RHAG: variants seen among roughly 807,000 people sequenced by gnomAD.
RHAG encodes the protein ammonium transporter Rh type A.
A neutral mutation model predicts 42.4 loss-of-function variants in RHAG; 25 were observed. The ratio of observed to expected loss-of-function variants is 0.59; its 90% CI spans 0.43 to 0.82. The LOEUF (loss-of-function observed/expected upper bound fraction) is 0.82. Among genes scored for constraint, RHAG ranks in the 40% least tolerant of loss-of-function variants. The probability of loss-of-function intolerance (pLI) is 0.00; values close to 1 mark genes in which losing one functional copy is unlikely to be tolerated. For missense variants in RHAG, 483 were observed against 504.6 expected, an observed-to-expected ratio of 0.96 and a Z score of 0.41; for synonymous variants, 182 against 177.7, an observed-to-expected ratio of 1.02 and a Z score of -0.19.
chr6:49,615,859 G>T, intron 3 of RHAG, 88 bp from the exon 4 acceptor site: 2 of 1,342,786 alleles, frequency 1.5e-6, no homozygotes, highest in Non-Finnish European at 1.1e-6. Context: ...TGCATTGTTG[G>T]TTAAACAACT....
chr6:49,625,236 T>A (rs1462726675), intron 1 of RHAG, among the ~76,000 whole-genome samples: 1 of 152,234 alleles, frequency 6.6e-6, no homozygotes, highest in Non-Finnish European at 1.5e-5. Context: ...CCTAAATTCC[T>A]ACCTGATAAA....
At position 49,635,679 on chromosome 6, in the gene RHAG, T is replaced by TTC. The variant is rs1763000041; in HGVS notation, c.157+975_157+976dup. 4.6e-5 allele frequency among the ~76,000 whole-genome samples: 7 copies of TTC among 152,262 alleles called. 1 individual carries two copies. The South Asian group carries it at 1.4e-3, about 32-fold the overall frequency. ...GTCCTTAGCTTTCAATTTTATATTT[T>TTC]TCCTATGTCACTTAGCAACTCTAGG... On this transcript the variant is annotated intron_variant, in intron 1 of 9. Coordinates refer to ENST00000371175, the MANE Select transcript of RHAG (RefSeq NM_000324.3).
At chr6:49,608,288 T>G (rs916588492) in intron 7 of RHAG, among the ~76,000 whole-genome samples, 8 of 152,212 alleles carry the variant, frequency 5.3e-5, no homozygotes, top group Middle Eastern at 3.2e-3. Context: ...AAAAATGCTG[T>G]GAGAACATCT....
At chr6:49,610,936 A>G (rs775470040) in intron 7 of RHAG, 88 bp downstream of exon 7, 13 of 1,530,528 alleles carry the variant, frequency 8.5e-6, no homozygotes, top group Non-Finnish European at 1.1e-5. Flanking sequence ...CATGGCCAGA[A>G]CAGCTAAAAT....
At chr6:49,609,075 T>C (rs1349716951) in intron 7 of RHAG, among the ~76,000 whole-genome samples, 1 of 152,204 alleles carries the variant, frequency 6.6e-6, no homozygotes, top group Non-Finnish European at 1.5e-5. Flanking sequence ...ATATTAACTT[T>C]CCCTTGTTCT....
chr6:49,615,413 G>T, intron 4 of RHAG: 2 of 450,864 alleles, frequency 4.4e-6, no homozygotes, highest in South Asian at 3.6e-5. Context: ...TTATTTTTTA[G>T]AGATGGAGTC....
intron 1 of RHAG, among the ~76,000 whole-genome samples, chr6:49,622,848 TG>T: frequency 6.6e-6 from 1 of 150,782 alleles, no homozygotes; most frequent in African/African-American, 2.4e-5. Flanking sequence ...TTTTTTGTTT[TG>T]TTTTGAGACG....
At chr6:49,611,002 A>T in intron 7 of RHAG, 22 bp downstream of exon 7, 1 of 1,613,512 alleles carries the variant, frequency 6.2e-7, no homozygotes, top group Admixed American at 1.7e-5. Flanking sequence ...ACAGGGGCTG[A>T]AAAACCCATT....
At position 49,618,118 on chromosome 6, in the gene RHAG, C is replaced by T. The variant is rs1762684616; in HGVS notation, c.442G>A (p.Glu148Lys). 1 of 1,613,828 alleles carries T rather than the reference C, an allele frequency of 6.2e-7. No individual in the cohort carries two copies. The highest frequency in any genetic ancestry group is 8.5e-7 in the Non-Finnish European group (1 of 1,179,754). Residue 148 changes from glutamate (E) to lysine (K), a missense_variant, in exon 3 of 10, where the codon GAA becomes AAA. By Grantham distance (56) the Glu-to-Lys change is moderately conservative. Coordinates refer to ENST00000371175, the MANE Select transcript of RHAG (RefSeq NM_000324.3). ...PTQMLIMTIL[E>K]IVFFAHNEYL... Reference sequence around the variant, plus strand: ...TCATTGTGGGCAAAGAAAACAATTTCTAAAATTGTCATGATCAGCATTTGG... The same window carrying T: ...TCATTGTGGGCAAAGAAAACAATTTTTAAAATTGTCATGATCAGCATTTGG...
rs1448022379 is a variant in RHAG, at chr6:49,627,349, T to C, written c.158-7987A>G. Among the ~76,000 whole-genome samples the C allele has an allele frequency of 3.3e-5, 5 of 152,304 alleles. No individual in the cohort carries two copies. In the South Asian group the frequency reaches 1.0e-3, roughly 32 times the overall value. Reference sequence around the variant, plus strand: ...CAGATCTTCAGGGGAGGGGCAAAACTATGCCAGCCTCTTTGTATAGCAAGA... The same window carrying C: ...CAGATCTTCAGGGGAGGGGCAAAACCATGCCAGCCTCTTTGTATAGCAAGA... On this transcript the variant is annotated intron_variant, in intron 1 of 9. Coordinates refer to ENST00000371175, the MANE Select transcript of RHAG (RefSeq NM_000324.3).
intron 1 of RHAG, among the ~76,000 whole-genome samples, chr6:49,620,146 C>T (rs915845666): frequency 1.1e-4 from 16 of 152,112 alleles, no homozygotes; most frequent in Admixed American, 3.3e-4. Context: ...GATATGGGCT[C>T]AGGTACCTGA....
intron 5 of RHAG, among the ~76,000 whole-genome samples, chr6:49,613,212 G>A (rs1472455903): frequency 6.6e-6 from 1 of 151,920 alleles, no homozygotes; most frequent in Admixed American, 6.6e-5. Context: ...TGGGATTACA[G>A]GTGCACGCCA....
At chr6:49,625,804 A>T (rs1259892126) in intron 1 of RHAG, among the ~76,000 whole-genome samples, 1 of 152,184 alleles carries the variant, frequency 6.6e-6, no homozygotes, top group Admixed American at 6.5e-5. Flanking sequence ...TAGAGGAAAA[A>T]GGTTTAATTG....
chr6:49,613,543 T>C (rs1479160578), intron 5 of RHAG, among the ~76,000 whole-genome samples: 1 of 152,128 alleles, frequency 6.6e-6, no homozygotes, highest in East Asian at 1.9e-4. Context: ...ATAAGATATA[T>C]GTCCTCAGCA....
At chr6:49,625,712 G>T (rs1050173566) in intron 1 of RHAG, among the ~76,000 whole-genome samples, 1 of 152,050 alleles carries the variant, frequency 6.6e-6, no homozygotes, top group African/African-American at 2.4e-5. Context: ...TTTATATCTT[G>T]CAATAGGATA....
At chr6:49,613,551 G>A (rs1281562011) in intron 5 of RHAG, among the ~76,000 whole-genome samples, 5 of 152,064 alleles carry the variant, frequency 3.3e-5, no homozygotes, top group Middle Eastern at 3.4e-3. Flanking sequence ...TATGTCCTCA[G>A]CAATGCTTAA....
intron 8 of RHAG, 60 bp from the exon 9 acceptor site, chr6:49,606,981 A>T: frequency 8.0e-7 from 1 of 1,243,732 alleles, no homozygotes. Context: ...ATCTACTTGC[A>T]TAGTAGCTTA....
rs769508833 is a variant in RHAG, at chr6:49,607,271, A to G, written c.1068-51T>C. On this transcript the variant is annotated intron_variant, in intron 7 of 9. Coordinates refer to ENST00000371175, the MANE Select transcript of RHAG (RefSeq NM_000324.3). ...AGTGTCTTTCCTGGATCTCAGCCAA[A>G]GAAAGTCTCACTCACTGAGGGTGTG... The G allele has an allele frequency of 1.2e-5, 17 of 1,472,792 alleles. No homozygotes were observed. The South Asian group carries it at 1.6e-4, about 14-fold the overall frequency. The allele number at this position is 1,472,792 out of a possible 1,614,324, so 91.2% of individuals were successfully genotyped here. A position where few individuals can be genotyped will look rare whatever the true frequency, so the allele number is the denominator to read the frequency against.
intron 7 of RHAG, among the ~76,000 whole-genome samples, chr6:49,609,700 GT>G (rs1762539416): frequency 1.3e-5 from 2 of 152,086 alleles, no homozygotes. Context: ...GATTAAATGC[GT>G]TTTTCAAGTA....
Sources: allele counts gnomAD v4.1 joint callset (sites outside exome capture counted in the v4.1 genomes callset), GRCh38; gene constraint gnomAD v4.1.1; transcripts MANE v1.5; gene names NCBI Gene and HGNC (gene_info 2026-07-23, HGNC 2026-07-21).